The following MAGI1 variants were observed in gnomAD, a reference collection of about 807,000 sequenced individuals.
MAGI1 encodes membrane associated guanylate kinase, WW and PDZ domain containing 1.
In MAGI1, 58 loss-of-function variants were observed where a neutral mutation model predicts 139.9. The ratio of observed to expected loss-of-function variants is 0.41; its 90% CI spans 0.34 to 0.52. The LOEUF is 0.52. MAGI1 is among the 20% of genes least tolerant of loss of function. The pLI is 0.12. For missense variants in MAGI1, 1,874 were observed against 1,901.6 expected, an observed-to-expected ratio of 0.99 and a Z score of 0.27; for synonymous variants, 812 against 737.9, an observed-to-expected ratio of 1.10 and a Z score of -1.63.
intron 1 of MAGI1, among the ~76,000 whole-genome samples, chr3:65,869,872 A>T (rs2059877782): frequency 2.0e-5 from 3 of 152,206 alleles, no homozygotes; most frequent in Admixed American, 2.0e-4. Flanking sequence ...TTTCATGAGA[A>T]TGAGAAGGCA....
intron 1 of MAGI1, among the ~76,000 whole-genome samples, chr3:65,767,354 C>G (rs2037572016): frequency 6.6e-6 from 1 of 151,854 alleles, no homozygotes; most frequent in Non-Finnish European, 1.5e-5. Flanking sequence ...CCTGTAATCC[C>G]AGCACTTTGG....
chr3:65,807,630 TG>T (rs2040945292), intron 1 of MAGI1, among the ~76,000 whole-genome samples: 2 of 152,080 alleles, frequency 1.3e-5, no homozygotes, highest in Admixed American at 1.3e-4. Flanking sequence ...ATTATGAGAG[TG>T]CTCTGGGAAC....
At chr3:65,477,634 T>C (rs1024091385) in intron 4 of MAGI1, among the ~76,000 whole-genome samples, 4 of 152,018 alleles carry the variant, frequency 2.6e-5, no homozygotes, top group Non-Finnish European at 5.9e-5. Flanking sequence ...AATCTTCATA[T>C]AGTAAAAAAT....
At chr3:65,704,433 T>C (rs979673512) in intron 1 of MAGI1, among the ~76,000 whole-genome samples, 2 of 152,156 alleles carry the variant, frequency 1.3e-5, no homozygotes, top group Admixed American at 6.5e-5. Flanking sequence ...CTGTCCTAGA[T>C]TGCCTCCTTT....
chr3:65,928,467 G>T (rs1412854398), intron 1 of MAGI1, among the ~76,000 whole-genome samples: 2 of 152,158 alleles, frequency 1.3e-5, no homozygotes, highest in Non-Finnish European at 2.9e-5. Context: ...GACCTCATTT[G>T]TCAGGAGCAC....
intron 1 of MAGI1, among the ~76,000 whole-genome samples, chr3:65,718,227 C>T (rs77602647): frequency 6.6e-6 from 1 of 151,888 alleles, no homozygotes; most frequent in African/African-American, 2.4e-5. Flanking sequence ...AAGCCATGAC[C>T]GGGCATTCTA....
intron 1 of MAGI1, among the ~76,000 whole-genome samples, chr3:65,900,215 A>G (rs1414134137): frequency 6.6e-6 from 1 of 152,138 alleles, no homozygotes; most frequent in Non-Finnish European, 1.5e-5. Flanking sequence ...TGTCTTTCCT[A>G]TGTCAGGCAT....
chr3:65,869,661 A>G (rs2059868741), intron 1 of MAGI1, among the ~76,000 whole-genome samples: 1 of 152,022 alleles, frequency 6.6e-6, no homozygotes, highest in East Asian at 1.9e-4. Flanking sequence ...CGGCCTCCCA[A>G]AGTGCTGGAA....
chr3:65,692,550 T>A (rs2088774958), intron 1 of MAGI1, among the ~76,000 whole-genome samples: 1 of 152,132 alleles, frequency 6.6e-6, no homozygotes, highest in African/African-American at 2.4e-5. Context: ...ATCACCAACA[T>A]CATCATCATC....
intron 1 of MAGI1, among the ~76,000 whole-genome samples, chr3:65,730,719 G>A (rs2034097119): frequency 6.6e-6 from 1 of 152,176 alleles, no homozygotes; most frequent in Non-Finnish European, 1.5e-5. Context: ...GGACAGCACT[G>A]TAACCCACAA....
chr3:65,910,472 A>T (rs1002409514), intron 1 of MAGI1, among the ~76,000 whole-genome samples: 3 of 152,206 alleles, frequency 2.0e-5, no homozygotes, highest in African/African-American at 2.4e-5. Flanking sequence ...CAACCAATAA[A>T]GTACGCCACC....
chr3:65,578,740 T>C (rs1453890970), intron 2 of MAGI1, among the ~76,000 whole-genome samples: 13 of 152,052 alleles, frequency 8.5e-5, no homozygotes, highest in Admixed American at 8.5e-4. Context: ...GCCAATATGG[T>C]GAAACCCCAT....
At chr3:65,687,873 C>A (rs2088198144) in intron 1 of MAGI1, 4 of 628,060 alleles carry the variant, frequency 6.4e-6, no homozygotes, top group Non-Finnish European at 1.2e-5. Flanking sequence ...GGACCCAGAA[C>A]TCCGTTTGGA....
chr3:65,678,360 T>TAA (rs5849685), intron 1 of MAGI1, among the ~76,000 whole-genome samples: 5,846 of 150,684 alleles, frequency 0.039, 192 homozygotes, highest in African/African-American at 0.091. Context: ...AATAAAAAGG[T>TAA]AAAAAAAAAA....
intron 1 of MAGI1, among the ~76,000 whole-genome samples, chr3:65,732,378 G>A (rs927939987): frequency 1.6e-4 from 25 of 152,210 alleles, no homozygotes; most frequent in Non-Finnish European, 3.4e-4. Flanking sequence ...CTAGTGAAGA[G>A]TACAACCTCA....
At chr3:65,563,843 C>T (rs923577144) in intron 2 of MAGI1, among the ~76,000 whole-genome samples, 8 of 152,170 alleles carry the variant, frequency 5.3e-5, no homozygotes, top group Admixed American at 3.9e-4. Flanking sequence ...TAGTTACTGA[C>T]TGCTTACTTG....
In MAGI1 at chr3:65,381,969, C is replaced by A; in HGVS notation, c.2609G>T (p.Gly870Val). The A allele has an allele frequency of 6.2e-7, 1 of 1,614,160 alleles. No individual in the cohort carries two copies. Among genetic ancestry groups the A allele is most frequent in the South Asian group, 1.1e-5 (1 of 91,076 alleles). The change falls in exon 16 of 23, where the codon GGA (glycine) becomes GTA (valine). Residue 870 changes from glycine (G) to valine (V), a missense_variant. Around this residue, in one of 5 missense-constraint regions of MAGI1, gnomAD observed 482 missense variants for 509.6 expected, o/e 0.95. Transcript: ENST00000402939. ...LICVDGTPVI[G>V]KSHQLVVQLM... is the part of the protein sequence containing the mutation. ...CTGGACCACAAGCTGGTGTGATTTT[C>A]CAATTACTGGCGTCCCATCCACACA...
rs151335572 is a variant in MAGI1, at chr3:65,814,801, A to C, written c.314-192713T>G. On this transcript the variant is annotated intron_variant, in intron 1 of 22. Coordinates refer to ENST00000402939, the MANE Select transcript of MAGI1 (RefSeq NM_001033057.2). ...ACAATAATTCAGATTTCAATTCTATAGTGATTTGATTTGATCATTTTAAAA... is the reference window on the plus strand; with the variant it reads ...ACAATAATTCAGATTTCAATTCTATCGTGATTTGATTTGATCATTTTAAAA... Among the ~76,000 whole-genome samples, 478 of 152,304 alleles carry C rather than the reference A, an allele frequency of 3.1e-3. 1 individual carries two copies. The highest frequency in any genetic ancestry group is 0.011 in the African/African-American group (446 of 41,560).
At chr3:65,653,815 G>C (rs1433905027) in intron 1 of MAGI1, among the ~76,000 whole-genome samples, 2 of 152,222 alleles carry the variant, frequency 1.3e-5, no homozygotes, top group East Asian at 3.9e-4. Context: ...TTTTTATAAA[G>C]AGTTTTTGTT....
Sources: allele counts gnomAD v4.1 joint callset (sites outside exome capture counted in the v4.1 genomes callset), GRCh38; gene constraint gnomAD v4.1.1; regional missense constraint gnomAD v4.1.1; transcripts MANE v1.5; gene names NCBI Gene and HGNC (gene_info 2026-07-23, HGNC 2026-07-21).